Variants in PSMD1 observed in about 807,000 individuals in gnomAD.
The protein encoded by PSMD1 is 26S proteasome non-ATPase regulatory subunit 1.
A neutral mutation model predicts 119.0 loss-of-function variants in PSMD1; 18 were observed. The ratio of observed to expected loss-of-function variants is 0.15; its 90% CI spans 0.10 to 0.22. The LOEUF is 0.22. Among genes scored for constraint, PSMD1 ranks in the 10% least tolerant of loss-of-function variants. The pLI, the probability that PSMD1 is intolerant of heterozygous loss-of-function variation, is 1.00. For missense variants in PSMD1, 702 were observed against 1,158.5 expected (o/e 0.61, Z 5.72); for synonymous variants, 374 against 396.6 (o/e 0.94, Z 0.68).
chr2:231,073,066 T>A (rs1694077293), intron 7 of PSMD1, among the ~76,000 whole-genome samples: 1 of 151,998 alleles, frequency 6.6e-6, no homozygotes, highest in Non-Finnish European at 1.5e-5. Context: ...ATTTCAATAT[T>A]GTTGTGTCTC....
At chr2:231,101,257 C>T (rs1053935988) in intron 16 of PSMD1, among the ~76,000 whole-genome samples, 2 of 152,060 alleles carry the variant, frequency 1.3e-5, no homozygotes, top group African/African-American at 4.8e-5. Flanking sequence ...TAGATAAGTT[C>T]CTTTACATTC....
At position 231,057,207 on chromosome 2, in the gene PSMD1, G is replaced by T. The variant is rs140215649; in HGVS notation, c.16+166G>T. Among the ~76,000 whole-genome samples the T allele has an allele frequency of 2.7e-3, 405 of 152,142 alleles. 2 individuals are homozygous for T. Among genetic ancestry groups the T allele is most frequent in the Middle Eastern group, 0.024 (7 of 292 alleles). On this transcript the variant is annotated intron_variant, in intron 1 of 24. Coordinates refer to ENST00000308696, the MANE Select transcript of PSMD1 (RefSeq NM_002807.4). ...GCCGGGGGGCTGGGAGTCTGATCAG[G>T]TCACTGCGTGCTTCTCTGGCTTGAG...
At chr2:231,094,685 G>T (rs1285239779) in intron 16 of PSMD1, among the ~76,000 whole-genome samples, 1 of 152,162 alleles carries the variant, frequency 6.6e-6, no homozygotes, top group South Asian at 2.1e-4. Flanking sequence ...AGAACCGTCA[G>T]TAAAAAGCAT....
intron 16 of PSMD1, among the ~76,000 whole-genome samples, chr2:231,114,416 T>C (rs1225246062): frequency 2.0e-5 from 3 of 152,350 alleles, no homozygotes; most frequent in Middle Eastern, 3.4e-3. Flanking sequence ...TAGCAATAAC[T>C]AGCAGCAAGA....
intron 19 of PSMD1, among the ~76,000 whole-genome samples, chr2:231,159,380 G>A (rs1291759853): frequency 2.0e-5 from 3 of 151,468 alleles, no homozygotes; most frequent in Non-Finnish European, 4.4e-5. Flanking sequence ...AAAACAAAAT[G>A]ACCTAGTGAC....
At chr2:231,099,697 C>T (rs1694816077) in intron 16 of PSMD1, among the ~76,000 whole-genome samples, 1 of 152,126 alleles carries the variant, frequency 6.6e-6, no homozygotes, top group African/African-American at 2.4e-5. Flanking sequence ...AAATGTCTTG[C>T]CTTTTGGGGT....
At chr2:231,069,088 A>G (rs1023960055) in intron 5 of PSMD1, among the ~76,000 whole-genome samples, 9 of 152,182 alleles carry the variant, frequency 5.9e-5, no homozygotes, top group Non-Finnish European at 1.0e-4. Context: ...AACAAGACCA[A>G]CAAAGTTCCT....
rs550373772 is a variant in PSMD1, at chr2:231,069,795, C to G, written c.511-230C>G. On this transcript the variant is annotated intron_variant, in intron 5 of 24. Coordinates refer to ENST00000308696, the MANE Select transcript of PSMD1 (RefSeq NM_002807.4). ...GTTCATGTAATAGTGATTCTGAGTACCACTAAATATTATTTTTAATCCATT... is the reference window on the plus strand; with the variant it reads ...GTTCATGTAATAGTGATTCTGAGTAGCACTAAATATTATTTTTAATCCATT... Among the ~76,000 whole-genome samples, 4 of 152,158 alleles carry G rather than the reference C, an allele frequency of 2.6e-5. No individual in the cohort carries two copies. The East Asian group carries it at 7.7e-4, about 29-fold the overall frequency.
chr2:231,153,757 G>A, intron 19 of PSMD1, 91 bp downstream of exon 19: 1 of 910,972 alleles, frequency 1.1e-6, no homozygotes, highest in Non-Finnish European at 1.6e-6. Context: ...AATGGAAATT[G>A]AGTCTGAGGC....
intron 2 of PSMD1, 71 bp downstream of exon 2, chr2:231,061,381 G>C (rs1435509779): frequency 4.0e-6 from 5 of 1,257,512 alleles, no homozygotes; most frequent in African/African-American, 3.0e-5. Context: ...AGTGATATCT[G>C]TAATCTTCCA....
chr2:231,087,104 C>A lies in PSMD1; in HGVS notation c.1819-13C>A, dbSNP rs778544391. On this transcript the variant is annotated splice_polypyrimidine_tract_variant and intron_variant, in intron 15 of 24. Transcript: ENST00000308696. ...CTACATAGTATAATATAATCTTAAA[C>A]TTTTCCCCCTAGGTAAGTGATGTTA... 1 of 1,612,372 alleles carries A rather than the reference C, an allele frequency of 6.2e-7. No individual in the cohort carries two copies. The highest frequency in any genetic ancestry group is 8.5e-7 in the Non-Finnish European group (1 of 1,178,760).
In PSMD1 at chr2:231,104,503, A is replaced by G. The variant is rs192096307; in HGVS notation, c.1883+17322A>G. 9.2e-5 allele frequency among the ~76,000 whole-genome samples: 14 copies of G among 152,298 alleles called. No homozygotes were observed. The East Asian group carries it at 1.7e-3, about 19-fold the overall frequency. ...TTTATTTTATAAATGAAAATTAAAT[A>G]TAATTGACCTGTTTAAAGAGCTGGA... is the stretch of plus-strand genomic sequence containing the variant. On this transcript the variant is annotated intron_variant, in intron 16 of 24. Transcript: ENST00000308696.
At chr2:231,107,235 C>T (rs1339507300) in intron 16 of PSMD1, among the ~76,000 whole-genome samples, 1 of 152,130 alleles carries the variant, frequency 6.6e-6, no homozygotes, top group African/African-American at 2.4e-5. Flanking sequence ...AAGGATTCTG[C>T]CACTGTGAAA....
At chr2:231,113,646 T>C (rs566583722) in intron 16 of PSMD1, 12 of 1,226,914 alleles carry the variant, frequency 9.8e-6, no homozygotes, top group Non-Finnish European at 1.2e-5. Context: ...CTGAGTTTCA[T>C]TGCCTACCAG....
At chr2:231,080,427 A>G in intron 12 of PSMD1, 113 bp downstream of exon 12, 3 of 890,948 alleles carry the variant, frequency 3.4e-6, no homozygotes, top group Non-Finnish European at 4.8e-6. Flanking sequence ...TACCCAAAAC[A>G]ACTGTCATCT....
chr2:231,144,418 ATTTTTTTTTTTTTT>A (rs751682132), intron 17 of PSMD1, among the ~76,000 whole-genome samples: 9 of 75,192 alleles, frequency 1.2e-4, no homozygotes, highest in East Asian at 4.5e-4. Flanking sequence ...CGCCCAGCTA[ATTTTTTTTTTTTTT>A]TTTTTTTTTT....
At chr2:231,075,121 T>G (rs1694129776) in intron 7 of PSMD1, among the ~76,000 whole-genome samples, 1 of 152,254 alleles carries the variant, frequency 6.6e-6, no homozygotes. Flanking sequence ...CTCAATATGG[T>G]GCTTTGACCT....
At chr2:231,106,047 AATAGTT>A (rs1694966622) in intron 16 of PSMD1, among the ~76,000 whole-genome samples, 1 of 150,214 alleles carries the variant, frequency 6.7e-6, no homozygotes, top group African/African-American at 2.4e-5. Flanking sequence ...AATTATTCTA[AATAGTT>A]ATAATCTGTT....
intron 16 of PSMD1, among the ~76,000 whole-genome samples, chr2:231,111,673 C>T (rs192246694): frequency 1.4e-4 from 21 of 152,274 alleles, no homozygotes; most frequent in Admixed American, 1.3e-3. Flanking sequence ...TTCTACAAGA[C>T]AAAGTGCAAT....
Sources: allele counts gnomAD v4.1 joint callset (sites outside exome capture counted in the v4.1 genomes callset), GRCh38; gene constraint gnomAD v4.1.1; transcripts MANE v1.5; gene names NCBI Gene and HGNC (gene_info 2026-07-23, HGNC 2026-07-21).